SEMA5A: variants seen among roughly 807,000 people sequenced by gnomAD.
SEMA5A encodes semaphorin-5A.
Under a neutral mutation model 135.5 loss-of-function variants are expected in SEMA5A, and 55 were observed. The observed-to-expected ratio is 0.41, with a 90% CI of 0.33 to 0.51. SEMA5A has a LOEUF of 0.51. Ranked by LOEUF, SEMA5A falls within the 20% of genes least tolerant of loss-of-function variation. The pLI, the probability that SEMA5A is intolerant of heterozygous loss-of-function variation, is 0.37. For missense variants in SEMA5A, 1,290 were observed against 1,419.9 expected, an observed-to-expected ratio of 0.91 and a Z score of 1.47; for synonymous variants, 580 against 546.5, an observed-to-expected ratio of 1.06 and a Z score of -0.85.
intron 1 of SEMA5A, among the ~76,000 whole-genome samples, chr5:9,531,904 C>T (rs565112771): frequency 7.6e-4 from 116 of 152,266 alleles, no homozygotes; most frequent in Non-Finnish European, 1.4e-3. Context: ...TATAATGGGA[C>T]CCCATCATAA....
chr5:9,219,500 T>G (rs918229434), intron 8 of SEMA5A, among the ~76,000 whole-genome samples: 1 of 152,126 alleles, frequency 6.6e-6, no homozygotes. Context: ...AAGTGGGTAA[T>G]TAGGTTAAAA....
At chr5:9,432,312 T>C (rs2126658904) in intron 2 of SEMA5A, among the ~76,000 whole-genome samples, 1 of 152,288 alleles carries the variant, frequency 6.6e-6, no homozygotes, top group South Asian at 2.1e-4. Context: ...TATCCCAAAT[T>C]ACAACCACTC....
At chr5:9,231,108 T>C (rs1295991204) in intron 6 of SEMA5A, among the ~76,000 whole-genome samples, 1 of 151,732 alleles carries the variant, frequency 6.6e-6, no homozygotes, top group African/African-American at 2.4e-5. Flanking sequence ...AAAAAGAAAG[T>C]AGAAGTATTT....
intron 1 of SEMA5A, among the ~76,000 whole-genome samples, chr5:9,523,833 T>C (rs1047991109): frequency 1.3e-5 from 2 of 152,250 alleles, no homozygotes; most frequent in Admixed American, 6.5e-5. Flanking sequence ...CCCTTACAGA[T>C]GGTGTACAGG....
chr5:9,445,363 C>G (rs183363251), intron 1 of SEMA5A, among the ~76,000 whole-genome samples: 2 of 151,328 alleles, frequency 1.3e-5, no homozygotes, highest in Non-Finnish European at 2.9e-5. Flanking sequence ...AAATATCTCT[C>G]GTGCCATTAA....
chr5:9,280,622 T>A (rs1266698228), intron 5 of SEMA5A, among the ~76,000 whole-genome samples: 1 of 152,326 alleles, frequency 6.6e-6, no homozygotes, highest in South Asian at 2.1e-4. Context: ...ACATTAAAAA[T>A]ATGCAGTGTT....
chr5:9,396,105 G>C (rs1352394919), intron 2 of SEMA5A, among the ~76,000 whole-genome samples: 2 of 152,136 alleles, frequency 1.3e-5, no homozygotes, highest in Admixed American at 1.3e-4. Flanking sequence ...ACCCACACGA[G>C]AAGTCTGGAA....
rs995812378 is a variant in SEMA5A at position 9,154,144 on chromosome 5, T to C, written c.1481+344A>G. Among the ~76,000 whole-genome samples the C allele has an allele frequency of 2.0e-5, 3 of 147,376 alleles. No individual in the cohort carries two copies. In the Admixed American group the frequency reaches 2.1e-4, roughly 10 times the overall value. ...GTATGTATGTGTGTGTGTGTATATATATATACATATATATAAGCTTGTGCC... is the reference window on the plus strand; with the variant it reads ...GTATGTATGTGTGTGTGTGTATATACATATACATATATATAAGCTTGTGCC... On this transcript the variant is annotated intron_variant, in intron 12 of 22. Coordinates refer to ENST00000382496, the MANE Select transcript of SEMA5A (RefSeq NM_003966.3).
intron 3 of SEMA5A, among the ~76,000 whole-genome samples, chr5:9,376,278 T>C (rs1429494359): frequency 6.6e-6 from 1 of 152,122 alleles, no homozygotes; most frequent in Non-Finnish European, 1.5e-5. Context: ...TATCGTAAAA[T>C]AAGATGTCCT....
chr5:9,175,700 G>A (rs1292659391), intron 11 of SEMA5A, among the ~76,000 whole-genome samples: 3 of 152,176 alleles, frequency 2.0e-5, no homozygotes, highest in East Asian at 3.9e-4. Context: ...TGGATAACTA[G>A]ATGTAGAGCA....
intron 1 of SEMA5A, among the ~76,000 whole-genome samples, chr5:9,482,588 C>G (rs906601827): frequency 2.6e-5 from 4 of 152,142 alleles, no homozygotes; most frequent in Non-Finnish European, 5.9e-5. Context: ...TAATGACCAC[C>G]CATCGGAAGA....
intron 1 of SEMA5A, among the ~76,000 whole-genome samples, chr5:9,475,961 T>C (rs1007962103): frequency 1.3e-5 from 2 of 152,224 alleles, no homozygotes; most frequent in African/African-American, 4.8e-5. Flanking sequence ...AGTCAATGTA[T>C]ATTCTTCGAA....
At chr5:9,123,258 CAAAAAAAAAAAAAAAAAAAA>C (rs57533658) in intron 13 of SEMA5A, among the ~76,000 whole-genome samples, 3,281 of 38,950 alleles carry the variant, frequency 0.084, 162 homozygotes, top group South Asian at 0.24. Context: ...GACTCCGCCT[CAAAAAAAAAAAAAAAAAAAA>C]AAAAAAAAAA....
chr5:9,051,154 A>G (rs1736553667), intron 20 of SEMA5A, among the ~76,000 whole-genome samples: 1 of 152,248 alleles, frequency 6.6e-6, no homozygotes. Context: ...TACATGACTG[A>G]GGTATGGTAT....
chr5:9,503,838 A>C (rs2126826564), intron 1 of SEMA5A, among the ~76,000 whole-genome samples: 1 of 152,358 alleles, frequency 6.6e-6, no homozygotes, highest in East Asian at 1.9e-4. Context: ...CATTTAAGTC[A>C]ATAAATGTCC....
chr5:9,522,965 A>G (rs1003627240), intron 1 of SEMA5A: 3 of 152,188 alleles, frequency 2.0e-5, no homozygotes, highest in Non-Finnish European at 2.9e-5. Flanking sequence ...ACGCACATAC[A>G]TATTTTGAGT....
intron 1 of SEMA5A, among the ~76,000 whole-genome samples, chr5:9,532,304 C>T (rs748732110): frequency 2.0e-5 from 3 of 151,802 alleles, no homozygotes; most frequent in South Asian, 2.1e-4. Context: ...CTCGCTCTAT[C>T]GCCCAGGCTG....
chr5:9,406,759 G>A (rs1756901991), intron 2 of SEMA5A, among the ~76,000 whole-genome samples: 1 of 152,200 alleles, frequency 6.6e-6, no homozygotes, highest in South Asian at 2.1e-4. Flanking sequence ...TAACACAAAT[G>A]TGAAATGTTT....
At chr5:9,301,513 G>A (rs1751608137) in intron 5 of SEMA5A, among the ~76,000 whole-genome samples, 1 of 152,086 alleles carries the variant, frequency 6.6e-6, no homozygotes, top group African/African-American at 2.4e-5. Flanking sequence ...AGAATTCCAT[G>A]GTTCTTACTC....
Sources: gnomAD v4.1 joint callset for allele counts (sites outside exome capture counted in the v4.1 genomes callset) on GRCh38, gnomAD v4.1.1 for gene constraint, MANE v1.5 for transcripts, NCBI Gene and HGNC (gene_info 2026-07-23, HGNC 2026-07-21) for gene names.